ZBTB24: variants seen among roughly 807,000 people sequenced by gnomAD.
ZBTB24 encodes zinc finger and BTB domain containing 24, also known as zinc finger and BTB domain-containing protein 24.
ZBTB24 carries 32 observed loss-of-function variants against 53.8 expected under a neutral mutation model. The ratio of observed to expected loss-of-function variants is 0.60; its 90% CI spans 0.45 to 0.80. The LOEUF (loss-of-function observed/expected upper bound fraction) is 0.80, where lower values mean the gene tolerates loss of function less well. Ranked by LOEUF, ZBTB24 falls within the 30% of genes least tolerant of loss-of-function variation. ZBTB24 has a pLI of 0.00. For synonymous variants in ZBTB24, 297 were observed against 306.7 expected, an observed-to-expected ratio of 0.97 and a Z score of 0.33; for missense variants, 722 against 837.1, an observed-to-expected ratio of 0.86 and a Z score of 1.70.
At position 109,466,016 on chromosome 6, in the gene ZBTB24, T is replaced by C; in HGVS notation, c.1929A>G (p.Glu643=). ...GATGGGCATGAAGATGTTCCAGTGT[T>C]TCCTTGGACAGAGTGATCACGTGCA... ...EPVHVITLSK[E]TLEHLHAHQE... is the part of the protein sequence containing the mutation. The change falls in exon 7 of 7, where the codon GAA becomes GAG. Residue 643 remains glutamate, a synonymous_variant. Coordinates refer to ENST00000230122, the MANE Select transcript of ZBTB24 (RefSeq NM_014797.3). The C allele has an allele frequency of 6.2e-7, 1 of 1,614,226 alleles. No individual in the cohort carries two copies. The highest frequency in any genetic ancestry group is 8.5e-7 in the Non-Finnish European group (1 of 1,180,048).
intron 1 of ZBTB24, among the ~76,000 whole-genome samples, chr6:109,482,365 C>T (rs1481021763): frequency 6.6e-6 from 1 of 152,136 alleles, no homozygotes; most frequent in Non-Finnish European, 1.5e-5. Flanking sequence ...ACTCAGGAGG[C>T]TGCGGCAGGA....
intron 5 of ZBTB24, among the ~76,000 whole-genome samples, chr6:109,474,426 T>C (rs995914543): frequency 6.6e-6 from 1 of 151,976 alleles, no homozygotes; most frequent in Admixed American, 6.6e-5. Flanking sequence ...TACATTTGGC[T>C]GTCTTTTCTA....
chr6:109,482,185 A>G, intron 1 of ZBTB24, 131 bp from the exon 2 acceptor site: 1 of 782,806 alleles, frequency 1.3e-6, no homozygotes, highest in East Asian at 2.7e-5. Context: ...CTGTCTACAA[A>G]CTTAGCTCTG....
intron 3 of ZBTB24, 108 bp from the exon 4 acceptor site, chr6:109,476,366 T>C: frequency 9.1e-7 from 1 of 1,096,498 alleles, no homozygotes. Flanking sequence ...TTTCTACAAA[T>C]GATACAAGCG....
intron 2 of ZBTB24, among the ~76,000 whole-genome samples, chr6:109,479,371 G>A (rs1245836037): frequency 2.0e-5 from 3 of 152,146 alleles, no homozygotes; most frequent in South Asian, 2.1e-4. Context: ...ATTTACCCAC[G>A]TGACTGTGTG....
Position 109,466,014 on chromosome 6 carries a change from G to A in ZBTB24, c.1931C>T (p.Thr644Ile), listed in dbSNP as rs774471077. 2 of 1,614,114 alleles carry A rather than the reference G, an allele frequency of 1.2e-6. No homozygotes were observed. The highest frequency in any genetic ancestry group is 1.1e-5 in the South Asian group (1 of 91,086). The change falls in exon 7 of 7, where the codon ACA (threonine) becomes ATA (isoleucine). Residue 644 changes from threonine (T) to isoleucine (I), a missense_variant. Thr to Ile is a moderately conservative substitution (Grantham distance 89, BLOSUM62 -1). Transcript: ENST00000230122. Reference sequence around the variant, plus strand: ...TTGATGGGCATGAAGATGTTCCAGTGTTTCCTTGGACAGAGTGATCACGTG... The same window carrying A: ...TTGATGGGCATGAAGATGTTCCAGTATTTCCTTGGACAGAGTGATCACGTG... ...PVHVITLSKE[T>I]LEHLHAHQEQ... is the part of the protein sequence containing the mutation.
At position 109,475,300 on chromosome 6, in the gene ZBTB24, T is replaced by C. The variant is rs188884315; in HGVS notation, c.1288+99A>G. 2.3e-3 allele frequency: 3,232 copies of C among 1,416,236 alleles called. 6 individuals carry two copies. Among genetic ancestry groups the C allele is most frequent in the Non-Finnish European group, 2.8e-3 (2,801 of 1,004,264 alleles). The allele number at this position is 1,416,236 out of a possible 1,614,324, so 87.7% of individuals were successfully genotyped here. Reference sequence around the variant, plus strand: ...ACTCCCATCCAATTTATAATAAACATTTCCAAACACAGGCTTAGCAGGGCA... The same window carrying C: ...ACTCCCATCCAATTTATAATAAACACTTCCAAACACAGGCTTAGCAGGGCA... On this transcript the variant is annotated intron_variant, in intron 5 of 6. Transcript: ENST00000230122.
rs1006521785 is a variant in ZBTB24, at chr6:109,472,195, T to G, written c.1288+3204A>C. On this transcript the variant is annotated intron_variant, in intron 5 of 6. Transcript: ENST00000230122. ...GCAGGGAAATGGCACGCCAATGCCC[T>G]TCACCAACATTCAAGCAGATTCTCC... Among the ~76,000 whole-genome samples the G allele has an allele frequency of 2.0e-5, 3 of 152,214 alleles. No individual in the cohort carries two copies. In the South Asian group the frequency reaches 6.2e-4, roughly 32 times the overall value.
chr6:109,476,982 C>T lies in ZBTB24; in HGVS notation c.953-52G>A, dbSNP rs763356726. The T allele has an allele frequency of 6.9e-6, 11 of 1,596,770 alleles. No homozygotes were observed. In the East Asian group the frequency reaches 2.5e-4, roughly 36 times the overall value. On this transcript the variant is annotated intron_variant, in intron 2 of 6. Coordinates refer to ENST00000230122, the MANE Select transcript of ZBTB24 (RefSeq NM_014797.3). Reference sequence around the variant, plus strand: ...TATAAGTAAGAATCCACACATTTTTCTGTCTCTCCCAAATTAAAAAAACAA... The same window carrying T: ...TATAAGTAAGAATCCACACATTTTTTTGTCTCTCCCAAATTAAAAAAACAA...
intron 5 of ZBTB24, among the ~76,000 whole-genome samples, chr6:109,468,763 G>A (rs996280995): frequency 6.6e-6 from 1 of 152,042 alleles, no homozygotes; most frequent in African/African-American, 2.4e-5. Context: ...CATGGGAGTG[G>A]CACACCTGAG....
chr6:109,465,760 T>C lies in ZBTB24; in HGVS notation c.*91A>G. On this transcript the variant is annotated 3_prime_UTR_variant, in exon 7 of 7. Coordinates refer to ENST00000230122, the MANE Select transcript of ZBTB24 (RefSeq NM_014797.3). ...TCTCACAGAAGCATCTGCAAGTCAA[T>C]GGTGTGGAGAGCCTGATTTCAAGCG... 6.2e-7 allele frequency: 1 copy of C among 1,613,068 alleles called. No individual in the cohort carries two copies. The highest frequency in any genetic ancestry group is 8.5e-7 in the Non-Finnish European group (1 of 1,179,796).
rs1282766788 is a variant in ZBTB24, at chr6:109,463,363, T to A, written c.*2488A>T. On this transcript the variant is annotated 3_prime_UTR_variant, in exon 7 of 7. Transcript: ENST00000230122. ...AGGCTAGATTAACAAAGCTATCATT[T>A]CCTTGTTTCTCTTTGACAGCTGGTC... 1.3e-5 allele frequency: 2 copies of A among 152,228 alleles called. No homozygotes were observed. Among genetic ancestry groups the A allele is most frequent in the African/African-American group, 4.8e-5 (2 of 41,454 alleles). 9.4% of individuals were successfully genotyped at this position (152,228 alleles called of 1,614,324 possible). A position where few individuals can be genotyped will look rare whatever the true frequency, so the allele number is the denominator to read the frequency against.
In ZBTB24 at chr6:109,475,421, CT is replaced by C; in HGVS notation, c.1265del (p.Lys422ArgfsTer81). The C allele has an allele frequency of 1.9e-6, 3 of 1,614,184 alleles. No homozygotes were observed. Among genetic ancestry groups the C allele is most frequent in the Non-Finnish European group, 2.5e-6 (3 of 1,180,024 alleles). On this transcript the variant is annotated frameshift_variant, in exon 5 of 7. Transcript: ENST00000230122. LOFTEE classifies it high-confidence loss of function. ...HRKFMDVSQLKKHLRTHTGEK... is the reference protein window; with the variant it reads ...HRKFMDVSQLXKHLRTHTGEK... Reference sequence around the variant, plus strand: ...TACCTGTGTGTGTTCGCAGATGTTTCTTTAGCTGAGACACATCCATGAATTT... The same window carrying C: ...TACCTGTGTGTGTTCGCAGATGTTTCTTAGCTGAGACACATCCATGAATTT...
intron 5 of ZBTB24, among the ~76,000 whole-genome samples, chr6:109,471,965 T>C (rs962459262): frequency 9.9e-5 from 15 of 152,154 alleles, no homozygotes; most frequent in Admixed American, 5.9e-4. Flanking sequence ...CCTCCCTCAC[T>C]GGGGATGCAC....
intron 2 of ZBTB24, 127 bp downstream of exon 2, chr6:109,480,948 A>G (rs1776392032): frequency 2.6e-6 from 4 of 1,516,264 alleles, no homozygotes; most frequent in South Asian, 1.3e-5. Context: ...ATTAACTGCA[A>G]TAACATGTAT....
Position 109,463,342 on chromosome 6 carries a change from T to C in ZBTB24, c.*2509A>G, listed in dbSNP as rs1352266107. ...GTATATGTGGGACAAAGAAAGAGGC[T>C]AGATTAACAAAGCTATCATTTCCTT... On this transcript the variant is annotated 3_prime_UTR_variant, in exon 7 of 7. Transcript: ENST00000230122. 2.0e-5 allele frequency: 3 copies of C among 152,298 alleles called. No individual in the cohort carries two copies. In the East Asian group the frequency reaches 5.8e-4, roughly 29 times the overall value. The allele number at this position is 152,298 out of a possible 1,614,324, so 9.4% of individuals were successfully genotyped here.
rs2232450 is a variant in ZBTB24, at chr6:109,465,797, G to C, written c.*54C>G. ...CCTGATTTCAAGCGTTCAAAATCCA[G>C]TCAGAGCTGGCTTATAAGAAGAGCC... On this transcript the variant is annotated 3_prime_UTR_variant, in exon 7 of 7. Coordinates refer to ENST00000230122, the MANE Select transcript of ZBTB24 (RefSeq NM_014797.3). 0.032 allele frequency: 51,754 copies of C among 1,614,104 alleles called. 1,099 individuals are homozygous for C. The highest frequency in any genetic ancestry group is 0.04 in the Non-Finnish European group (47,500 of 1,180,032).
intron 2 of ZBTB24, among the ~76,000 whole-genome samples, chr6:109,479,053 T>C (rs1179343081): frequency 2.0e-5 from 3 of 151,936 alleles, no homozygotes; most frequent in Non-Finnish European, 2.9e-5. Flanking sequence ...CCAAAAATGA[T>C]GGAAAATATA....
At chr6:109,480,422 A>C (rs1489396861) in intron 2 of ZBTB24, among the ~76,000 whole-genome samples, 1 of 152,198 alleles carries the variant, frequency 6.6e-6, no homozygotes, top group Non-Finnish European at 1.5e-5. Context: ...TCAGTTTCTC[A>C]GTCACGCTAG....
Sources: allele counts gnomAD v4.1 joint callset (sites outside exome capture counted in the v4.1 genomes callset), GRCh38; gene constraint gnomAD v4.1.1; transcripts MANE v1.5; gene names NCBI Gene and HGNC (gene_info 2026-07-23, HGNC 2026-07-21).